The following LPP variants were observed in gnomAD, a reference collection of about 807,000 sequenced individuals.
The protein encoded by LPP is lipoma-preferred partner.
A neutral mutation model predicts 60.4 loss-of-function variants in LPP; 38 were observed. That is an observed-to-expected ratio of 0.63 (90% CI 0.49 to 0.83). LPP has a LOEUF of 0.83. LPP is among the 40% of genes least tolerant of loss of function. The pLI is 0.00. For missense variants in LPP, 902 were observed against 783.6 expected (o/e 1.15, Z -1.80); for synonymous variants, 328 against 290.8 (o/e 1.13, Z -1.30).
intron 5 of LPP, among the ~76,000 whole-genome samples, chr3:188,521,287 A>AG (rs1187785452): frequency 6.6e-6 from 1 of 152,218 alleles, no homozygotes; most frequent in Non-Finnish European, 1.5e-5. Flanking sequence ...AACTGAAAAT[A>AG]GGGAGCAGTC....
chr3:188,199,402 C>G (rs974841743), intron 1 of LPP, among the ~76,000 whole-genome samples: 4 of 152,006 alleles, frequency 2.6e-5, no homozygotes, highest in Non-Finnish European at 5.9e-5. Context: ...TTTGCTGGAG[C>G]CTTTGTTGGA....
chr3:188,577,655 A>G (rs1834941340), intron 6 of LPP, among the ~76,000 whole-genome samples: 1 of 151,832 alleles, frequency 6.6e-6, no homozygotes, highest in South Asian at 2.1e-4. Flanking sequence ...AATATCTACA[A>G]AGGCAAATTA....
At chr3:188,232,515 T>TA (rs1253639138) in intron 2 of LPP, among the ~76,000 whole-genome samples, 2 of 147,542 alleles carry the variant, frequency 1.4e-5, no homozygotes, top group Non-Finnish European at 3.0e-5. Context: ...TTTTTTTTTT[T>TA]TTTTTTTTTT....
intron 3 of LPP, among the ~76,000 whole-genome samples, chr3:188,374,411 AGAGGTC>A (rs1208049644): frequency 3.9e-5 from 6 of 152,072 alleles, no homozygotes; most frequent in Non-Finnish European, 8.8e-5. Flanking sequence ...TTCTCCTTGA[AGAGGTC>A]CTTCACATCC....
In LPP at chr3:188,748,742, C is replaced by T. The variant is rs146232529; in HGVS notation, c.1241-11371C>T. ...AGGTTGCTGTGAGCCAAGATTGTGC[C>T]GTTGCACTCCAGCTTGGGCAACAAG... is the stretch of plus-strand genomic sequence containing the variant. On this transcript the variant is annotated intron_variant, in intron 8 of 11. Coordinates refer to ENST00000617246, the MANE Select transcript of LPP (RefSeq NM_001375462.1). Among the ~76,000 whole-genome samples, 601 of 152,226 alleles carry T rather than the reference C, an allele frequency of 3.9e-3. 1 individual carries two copies. The highest frequency in any genetic ancestry group is 6.3e-3 in the Non-Finnish European group (430 of 68,018).
intron 6 of LPP, among the ~76,000 whole-genome samples, chr3:188,590,314 T>C (rs758103705): frequency 6.6e-6 from 1 of 152,204 alleles, no homozygotes; most frequent in Non-Finnish European, 1.5e-5. Flanking sequence ...GGCTCATGCC[T>C]GTAATCCCAG....
At chr3:188,502,731 A>G (rs1033572791) in intron 5 of LPP, among the ~76,000 whole-genome samples, 1 of 152,174 alleles carries the variant, frequency 6.6e-6, no homozygotes, top group African/African-American at 2.4e-5. Flanking sequence ...CATTTAATAT[A>G]CCTAACATAC....
At chr3:188,700,694 G>C (rs560158028) in intron 7 of LPP, among the ~76,000 whole-genome samples, 10 of 152,308 alleles carry the variant, frequency 6.6e-5, no homozygotes, top group African/African-American at 2.4e-4. Flanking sequence ...GATTCAGAAT[G>C]CTGAATGAAG....
intron 9 of LPP, among the ~76,000 whole-genome samples, chr3:188,770,818 C>A (rs1735702352): frequency 6.6e-6 from 1 of 152,226 alleles, no homozygotes; most frequent in Non-Finnish European, 1.5e-5. Context: ...ACTCAGCCAG[C>A]TGCTATTCTG....
At chr3:188,605,870 C>T (rs1289692666) in intron 6 of LPP, among the ~76,000 whole-genome samples, 1 of 152,132 alleles carries the variant, frequency 6.6e-6, no homozygotes, top group Non-Finnish European at 1.5e-5. Context: ...CATTTTACTT[C>T]CAATGGTTCT....
intron 1 of LPP, among the ~76,000 whole-genome samples, chr3:188,211,492 A>G (rs766422559): frequency 1.3e-5 from 2 of 152,000 alleles, no homozygotes; most frequent in Admixed American, 6.6e-5. Flanking sequence ...AGCACCTCCT[A>G]TATCCCGACA....
intron 6 of LPP, among the ~76,000 whole-genome samples, chr3:188,555,821 C>A (rs1463777969): frequency 6.6e-6 from 1 of 152,020 alleles, no homozygotes; most frequent in Non-Finnish European, 1.5e-5. Context: ...GGTACAAGGG[C>A]AGGCTCTTGA....
chr3:188,495,623 T>C (rs914242364), intron 5 of LPP, among the ~76,000 whole-genome samples: 1 of 152,198 alleles, frequency 6.6e-6, no homozygotes, highest in Non-Finnish European at 1.5e-5. Context: ...GTTTTCTTTG[T>C]AATTTTTTAG....
intron 9 of LPP, among the ~76,000 whole-genome samples, chr3:188,769,057 GTTTAGAATATAT>G (rs1735036660): frequency 6.6e-6 from 1 of 152,026 alleles, no homozygotes; most frequent in South Asian, 2.1e-4. Context: ...ACAATTTTAG[GTTTAGAATATAT>G]AACAGAAAAG....
chr3:188,780,845 A>G (rs990004292), intron 9 of LPP, among the ~76,000 whole-genome samples: 11 of 152,208 alleles, frequency 7.2e-5, no homozygotes, highest in African/African-American at 2.7e-4. Context: ...TTCCCATCAC[A>G]ACAGTTCTTT....
chr3:188,392,731 C>T (rs999007130), intron 3 of LPP, among the ~76,000 whole-genome samples: 2 of 151,884 alleles, frequency 1.3e-5, no homozygotes, highest in African/African-American at 4.8e-5. Context: ...CCATCCTGGC[C>T]AGATACTGAG....
chr3:188,852,940 C>T lies in LPP; in HGVS notation c.1411-13260C>T, dbSNP rs139756867. Among the ~76,000 whole-genome samples, 344 of 151,974 alleles carry T rather than the reference C, an allele frequency of 2.3e-3. 2 individuals carry two copies. The highest frequency in any genetic ancestry group is 8.0e-3 in the African/African-American group (331 of 41,424). On this transcript the variant is annotated intron_variant, in intron 9 of 11. Transcript: ENST00000617246. Reference sequence around the variant, plus strand: ...GGTGGATCACCTGAGGTCAGCAGTTCGATACCAGCCTGGCCAAACATGGTG... The same window carrying T: ...GGTGGATCACCTGAGGTCAGCAGTTTGATACCAGCCTGGCCAAACATGGTG...
Position 188,887,673 on chromosome 3 carries a change from A to C in LPP, c.*13194A>C, listed in dbSNP as rs529834727. 35 of 213,286 alleles carry C rather than the reference A, an allele frequency of 1.6e-4. 2 individuals are homozygous for C. In the Middle Eastern group the frequency reaches 0.01, roughly 63 times the overall value. 13.2% of individuals were successfully genotyped at this position (213,286 alleles called of 1,614,324 possible). On this transcript the variant is annotated 3_prime_UTR_variant, in exon 12 of 12. Coordinates refer to ENST00000617246, the MANE Select transcript of LPP (RefSeq NM_001375462.1). ...TCCTCCCTCTGTAGGCAGCAAATTG[A>C]AACTAACATGGGACCATGCCATCCT...
chr3:188,219,224 T>C (rs1169265647), intron 1 of LPP, among the ~76,000 whole-genome samples: 2 of 152,196 alleles, frequency 1.3e-5, no homozygotes, highest in African/African-American at 4.8e-5. Flanking sequence ...GCACCCTTGA[T>C]AAAAGGAAGT....
Sources: allele counts gnomAD v4.1 joint callset (sites outside exome capture counted in the v4.1 genomes callset), GRCh38; gene constraint gnomAD v4.1.1; transcripts MANE v1.5; gene names NCBI Gene and HGNC (gene_info 2026-07-23, HGNC 2026-07-21).